Variants in TBCK observed in about 807,000 individuals in gnomAD.
The protein encoded by TBCK is TBC domain-containing protein kinase-like protein.
TBCK carries 99 observed loss-of-function variants against 113.4 expected under a neutral mutation model. That is an observed-to-expected ratio of 0.87 (90% CI 0.74 to 1.03). TBCK has a LOEUF of 1.03. Ranked by LOEUF, TBCK falls within the 50% of genes least tolerant of loss-of-function variation. The pLI, the probability that TBCK is intolerant of heterozygous loss-of-function variation, is 0.00. For synonymous variants in TBCK, 369 were observed against 370.8 expected, an observed-to-expected ratio of 1.00 and a Z score of 0.05; for missense variants, 1,045 against 1,061.3, an observed-to-expected ratio of 0.98 and a Z score of 0.21.
chr4:106,064,939 A>G (rs979714580), intron 25 of TBCK, among the ~76,000 whole-genome samples: 16 of 151,900 alleles, frequency 1.1e-4, no homozygotes, highest in Non-Finnish European at 2.1e-4. Context: ...ATTCTTACTA[A>G]ACATCACGAT....
chr4:106,111,360 G>A (rs562596792), intron 24 of TBCK, among the ~76,000 whole-genome samples: 16 of 152,244 alleles, frequency 1.1e-4, no homozygotes, highest in African/African-American at 2.2e-4. Flanking sequence ...CCCCTCCCAC[G>A]TGGCAATTCC....
chr4:106,142,164 CT>C lies in TBCK; in HGVS notation c.2236-25787del, dbSNP rs1443070210. On this transcript the variant is annotated intron_variant, in intron 23 of 25. Transcript: ENST00000394708. ...AATCTGTCAGGACTATTTAGCTTCGCTTTGCTAAGTGTTCTAGTTAATTTCT... is the reference window on the plus strand; with the variant it reads ...AATCTGTCAGGACTATTTAGCTTCGCTTGCTAAGTGTTCTAGTTAATTTCT... 2.1e-5 allele frequency among the ~76,000 whole-genome samples: 2 copies of C among 96,756 alleles called. 1 individual carries two copies. The highest frequency in any genetic ancestry group is 5.3e-5 in the Non-Finnish European group (2 of 37,596). 63.5% of individuals were successfully genotyped at this position (96,756 alleles called of 152,430 possible). A position where few individuals can be genotyped will look rare whatever the true frequency, so the allele number is the denominator to read the frequency against.
intron 23 of TBCK, among the ~76,000 whole-genome samples, chr4:106,148,376 G>A (rs971972549): frequency 1.2e-4 from 18 of 152,198 alleles, no homozygotes; most frequent in African/African-American, 3.6e-4. Context: ...TGTCTCCCCC[G>A]GATGCCCAGC....
intron 23 of TBCK, among the ~76,000 whole-genome samples, chr4:106,118,736 G>A (rs1038514612): frequency 6.6e-6 from 1 of 152,184 alleles, no homozygotes; most frequent in Non-Finnish European, 1.5e-5. Flanking sequence ...CTAAGAAGAG[G>A]ATTTGTCCAA....
chr4:106,078,957 C>T (rs1356072901), intron 25 of TBCK, among the ~76,000 whole-genome samples: 1 of 152,136 alleles, frequency 6.6e-6, no homozygotes. Flanking sequence ...AGGCCATATT[C>T]CTGGGATGCA....
At position 106,095,564 on chromosome 4, in the gene TBCK, T is replaced by C. The variant is rs754889123; in HGVS notation, c.2489A>G (p.Gln830Arg). The change falls in exon 25 of 26, where the codon CAG becomes CGG. Residue 830 changes from glutamine (Q) to arginine (R), a missense_variant. Physicochemically the swap from Gln to Arg is conservative, Grantham distance 43 (BLOSUM62 1). Transcript: ENST00000394708. The stretch of plus-strand genomic sequence containing the variant: ...CTGGAGCATAGCAGTGTAAGGGCCC[T>C]GGGTAAGCTCCCCTTCTGCAGTGAA... ...AAFTAEGELT[Q>R]GPYTAMLQNF... The C allele has an allele frequency of 5.6e-6, 9 of 1,614,152 alleles. No homozygotes were observed. In the East Asian group the frequency reaches 1.3e-4, roughly 24 times the overall value.
At chr4:106,296,560 C>A (rs1486167950) in intron 2 of TBCK, among the ~76,000 whole-genome samples, 1 of 151,904 alleles carries the variant, frequency 6.6e-6, no homozygotes, top group Non-Finnish European at 1.5e-5. Context: ...TAGAGATGGA[C>A]AATTGTGTTC....
rs771758907 is a variant in TBCK, at chr4:106,116,392, T to C, written c.2236-14A>G. On this transcript the variant is annotated splice_polypyrimidine_tract_variant and intron_variant, in intron 23 of 25. Transcript: ENST00000394708. The stretch of plus-strand genomic sequence containing the variant: ...GGATTCTCTTGACTGAAAAAAAAAA[T>C]GTACAAAAAAAAATATTGAGAATAT... The C allele has an allele frequency of 1.2e-5, 19 of 1,576,656 alleles. 1 individual carries two copies. The highest frequency in any genetic ancestry group is 1.5e-5 in the Non-Finnish European group (17 of 1,158,750).
At chr4:106,149,094 C>CT (rs1432581460) in intron 23 of TBCK, among the ~76,000 whole-genome samples, 1 of 152,188 alleles carries the variant, frequency 6.6e-6, no homozygotes, top group African/African-American at 2.4e-5. Flanking sequence ...TCTGTACCTT[C>CT]CTGATCTCTC....
At chr4:106,190,459 T>G (rs1020044407) in intron 22 of TBCK, among the ~76,000 whole-genome samples, 1 of 152,214 alleles carries the variant, frequency 6.6e-6, no homozygotes, top group Non-Finnish European at 1.5e-5. Flanking sequence ...TTTCTTTGCT[T>G]TGGTTAAGCA....
rs1752035897 is a variant in TBCK, at chr4:106,179,150, T to C, written c.2060-7880A>G. ...TTGGGCCTAGTCCCTTTTTTGCTAG[T>C]CTAGCTAAAGGATTATTGATTTTGC... On this transcript the variant is annotated intron_variant, in intron 22 of 25. Transcript: ENST00000394708. 2.0e-5 allele frequency among the ~76,000 whole-genome samples: 3 copies of C among 152,164 alleles called. No homozygotes were observed. The East Asian group carries it at 5.8e-4, about 29-fold the overall frequency.
chr4:106,229,122 G>A (rs1315750097), intron 19 of TBCK, among the ~76,000 whole-genome samples: 1 of 151,850 alleles, frequency 6.6e-6, no homozygotes, highest in Non-Finnish European at 1.5e-5. Context: ...AGTTATCTGA[G>A]CTTCCTATAT....
chr4:106,218,199 AC>A (rs1259665094), intron 19 of TBCK, among the ~76,000 whole-genome samples: 1 of 145,252 alleles, frequency 6.9e-6, no homozygotes, highest in Non-Finnish European at 1.5e-5. Context: ...CCTTCCTTAC[AC>A]CTTATACAAA....
At chr4:106,172,666 A>G (rs932654240) in intron 22 of TBCK, among the ~76,000 whole-genome samples, 2 of 152,096 alleles carry the variant, frequency 1.3e-5, no homozygotes, top group African/African-American at 4.8e-5. Flanking sequence ...GGAAATAGGC[A>G]TTAAGTAAAT....
intron 25 of TBCK, among the ~76,000 whole-genome samples, chr4:106,078,428 C>T (rs1738480257): frequency 1.3e-5 from 2 of 151,800 alleles, no homozygotes; most frequent in Admixed American, 1.3e-4. Context: ...CCAAATAAAC[C>T]CAATCTGAAG....
At chr4:106,065,810 A>G (rs1187222832) in intron 25 of TBCK, among the ~76,000 whole-genome samples, 1 of 152,076 alleles carries the variant, frequency 6.6e-6, no homozygotes, top group African/African-American at 2.4e-5. Context: ...AGTGGGATTT[A>G]GCAAGACTAA....
chr4:106,144,897 C>T (rs1018368813), intron 23 of TBCK, among the ~76,000 whole-genome samples: 3 of 151,976 alleles, frequency 2.0e-5, no homozygotes, highest in Admixed American at 6.6e-5. Flanking sequence ...GTGGTATACG[C>T]CCATAATCCC....
At chr4:106,087,143 G>A (rs1379475795) in intron 25 of TBCK, among the ~76,000 whole-genome samples, 1 of 152,172 alleles carries the variant, frequency 6.6e-6, no homozygotes, top group African/African-American at 2.4e-5. Context: ...AAGTCAAGTT[G>A]TCTCTGTTTG....
intron 25 of TBCK, among the ~76,000 whole-genome samples, chr4:106,060,765 G>C (rs1446894111): frequency 6.6e-6 from 1 of 151,720 alleles, no homozygotes; most frequent in Non-Finnish European, 1.5e-5. Context: ...AAAATAAATT[G>C]AAATCCTCTG....
Sources: gnomAD v4.1 joint callset for allele counts (sites outside exome capture counted in the v4.1 genomes callset) on GRCh38, gnomAD v4.1.1 for gene constraint, MANE v1.5 for transcripts, NCBI Gene and HGNC (gene_info 2026-07-23, HGNC 2026-07-21) for gene names.